The following CHFR variants were observed in gnomAD, a reference collection of about 807,000 sequenced individuals.
The protein encoded by CHFR is E3 ubiquitin-protein ligase CHFR.
Under a neutral mutation model 87.6 loss-of-function variants are expected in CHFR, and 57 were observed. That is an observed-to-expected ratio of 0.65 (90% CI 0.53 to 0.81). The LOEUF (loss-of-function observed/expected upper bound fraction) is 0.81. CHFR is among the 30% of genes least tolerant of loss of function. The pLI is 0.00. For synonymous variants in CHFR, 381 were observed against 359.2 expected (o/e 1.06, Z -0.69); for missense variants, 797 against 865.8 (o/e 0.92, Z 1.00).
rs1340527583 is a variant in CHFR at position 132,843,099 on chromosome 12, G to C, written c.1844-16C>G. ...GTTACGGCCACTGGAAAAAGAGAAG[G>C]GGTACGCATCTATGAGATGTATTGC... is the stretch of plus-strand genomic sequence containing the variant. On this transcript the variant is annotated splice_polypyrimidine_tract_variant and intron_variant, in intron 16 of 17. Coordinates refer to ENST00000450056, the MANE Select transcript of CHFR (RefSeq NM_001161346.2). The C allele has an allele frequency of 6.2e-7, 1 of 1,610,050 alleles. No homozygotes were observed. The highest frequency in any genetic ancestry group is 8.5e-7 in the Non-Finnish European group (1 of 1,178,106).
At chr12:132,887,150 T>C in intron 2 of CHFR, 46 bp downstream of exon 2, 1 of 1,420,364 alleles carries the variant, frequency 7.0e-7, no homozygotes. Context: ...CGCAACCCGG[T>C]GGCTCTGCCC....
intron 8 of CHFR, among the ~76,000 whole-genome samples, chr12:132,857,787 A>G (rs1951115759): frequency 6.6e-6 from 1 of 152,212 alleles, no homozygotes; most frequent in African/African-American, 2.4e-5. Context: ...CAGGAACACA[A>G]ACAACAGAGA....
At chr12:132,885,797 T>C (rs1048205915) in intron 2 of CHFR, among the ~76,000 whole-genome samples, 2 of 152,214 alleles carry the variant, frequency 1.3e-5, no homozygotes, top group African/African-American at 4.8e-5. Flanking sequence ...CCCAGAGTAA[T>C]GTGTTGACAG....
chr12:132,883,561 T>C (rs905892226), intron 2 of CHFR, among the ~76,000 whole-genome samples: 7 of 151,370 alleles, frequency 4.6e-5, no homozygotes, highest in Admixed American at 2.6e-4. Flanking sequence ...CTGTCTCTAC[T>C]AAAAATACAA....
In CHFR at chr12:132,836,808, A is replaced by G. The variant is rs1950651200; in HGVS notation, c.*4746T>C. 2.2e-6 allele frequency: 1 copy of G among 455,450 alleles called. No homozygotes were observed. The highest frequency in any genetic ancestry group is 4.4e-6 in the Non-Finnish European group (1 of 226,534). The allele number at this position is 455,450 out of a possible 1,614,324, so 28.2% of individuals were successfully genotyped here. ...AGCCCAGGGGACGGCTCATCAGCTC[A>G]TCAGACCTTCACCGTTCAGTAGCCA... is the stretch of plus-strand genomic sequence containing the variant. On this transcript the variant is annotated 3_prime_UTR_variant, in exon 18 of 18. Coordinates refer to ENST00000450056, the MANE Select transcript of CHFR (RefSeq NM_001161346.2).
intron 10 of CHFR, 39 bp downstream of exon 10, chr12:132,856,429 G>T: frequency 6.2e-7 from 1 of 1,609,282 alleles, no homozygotes; most frequent in South Asian, 1.1e-5. Flanking sequence ...ATGCTCCTCT[G>T]GCTCACACAC....
At chr12:132,887,463 G>T (rs1951928006) in intron 1 of CHFR, 84 bp downstream of exon 1, 1 of 661,942 alleles carries the variant, frequency 1.5e-6, no homozygotes, top group Non-Finnish European at 1.9e-6. Context: ...AGCCCGGCCT[G>T]GACGCCGGCG....
intron 8 of CHFR, among the ~76,000 whole-genome samples, chr12:132,858,725 T>TAAAAAA (rs60137048): frequency 3.7e-4 from 10 of 26,800 alleles, no homozygotes; most frequent in African/African-American, 1.3e-3. Context: ...AGACTCCATC[T>TAAAAAA]AAAAAAAAAA....
chr12:132,848,319 AT>A, intron 13 of CHFR, 164 bp from the exon 14 acceptor site: 2 of 1,310,748 alleles, frequency 1.5e-6, no homozygotes, highest in Non-Finnish European at 2.1e-6. Context: ...AGCAGAAATG[AT>A]TTCCATTCCA....
At chr12:132,879,096 C>G (rs1367535471) in intron 2 of CHFR, among the ~76,000 whole-genome samples, 3 of 150,534 alleles carry the variant, frequency 2.0e-5, no homozygotes, top group Non-Finnish European at 4.4e-5. Flanking sequence ...CCTCCACCTC[C>G]CAGGTTCAAG....
chr12:132,872,458 T>C (rs1951513082), intron 3 of CHFR, 64 bp from the exon 4 acceptor site: 2 of 1,186,858 alleles, frequency 1.7e-6, no homozygotes, highest in Non-Finnish European at 2.5e-6. Context: ...AGATTTTTTT[T>C]CTAGCACCAT....
Position 132,835,714 on chromosome 12 carries a change from G to T in CHFR, c.*5840C>A. ...ATACTTTCTGTTGTTTAAGCCGCCT[G>T]TTCTGCGGCGTTTTGATCCAGCGGC... is the stretch of plus-strand genomic sequence containing the variant. On this transcript the variant is annotated 3_prime_UTR_variant, in exon 18 of 18. Transcript: ENST00000450056. The T allele has an allele frequency of 4.0e-6, 1 of 250,144 alleles. No individual in the cohort carries two copies. Among genetic ancestry groups the T allele is most frequent in the Non-Finnish European group, 8.0e-6 (1 of 125,540 alleles). The allele number at this position is 250,144 out of a possible 1,614,324, so 15.5% of individuals were successfully genotyped here.
intron 6 of CHFR, chr12:132,867,438 T>C (rs913438869): frequency 2.0e-5 from 3 of 152,208 alleles, no homozygotes; most frequent in Admixed American, 2.0e-4. Context: ...AACAGATCCA[T>C]GGAAAGCAAA....
intron 6 of CHFR, 137 bp from the exon 7 acceptor site, chr12:132,861,771 C>G: frequency 1.4e-6 from 1 of 730,744 alleles, no homozygotes; most frequent in East Asian, 2.7e-5. Context: ...AAGTGGCTTA[C>G]GAGGAGTGTG....
chr12:132,876,873 C>A (rs1339223311), intron 3 of CHFR, among the ~76,000 whole-genome samples: 1 of 152,228 alleles, frequency 6.6e-6, no homozygotes, highest in Non-Finnish European at 1.5e-5. Flanking sequence ...CAGCTCACCA[C>A]AATCTCCGAC....
chr12:132,858,493 C>T lies in CHFR; in HGVS notation c.911+575G>A, dbSNP rs560844559. Reference sequence around the variant, plus strand: ...TAATCCCAGCACTTTAGGAGGCAAACGTGGGCAGATCACCTGAAGTCAGGA... The same window carrying T: ...TAATCCCAGCACTTTAGGAGGCAAATGTGGGCAGATCACCTGAAGTCAGGA... On this transcript the variant is annotated intron_variant, in intron 8 of 17. Transcript: ENST00000450056. Among the ~76,000 whole-genome samples, 12 of 151,734 alleles carry T rather than the reference C, an allele frequency of 7.9e-5. No homozygotes were observed. In the Middle Eastern group the frequency reaches 0.014, roughly 172 times the overall value.
At position 132,848,711 on chromosome 12, in the gene CHFR, C is replaced by T. The variant is rs1335016856; in HGVS notation, c.1506G>A (p.Leu502=). 6.3e-7 allele frequency: 1 copy of T among 1,586,212 alleles called. No homozygotes were observed. The highest frequency in any genetic ancestry group is 1.8e-5 in the Admixed American group (1 of 56,062). ...CCCAGTACAGGTGGCAGAAAGGCTG[C>T]AGGCAGACCGCACCTGTGGAGAGAG... ...RVAPQQCAVC[L]QPFCHLYWGC... The change falls in exon 13 of 18, where the codon CTG becomes CTA. Residue 502 remains leucine, a synonymous_variant. Coordinates refer to ENST00000450056, the MANE Select transcript of CHFR (RefSeq NM_001161346.2).
At chr12:132,884,291 T>C (rs1951835967) in intron 2 of CHFR, among the ~76,000 whole-genome samples, 1 of 151,768 alleles carries the variant, frequency 6.6e-6, no homozygotes, top group Admixed American at 6.6e-5. Flanking sequence ...TGGTAGCACA[T>C]ACTTGTAATC....
rs1203482269 is a variant in CHFR at position 132,836,510 on chromosome 12, G to GCACGGCA, written c.*5037_*5043dup. On this transcript the variant is annotated 3_prime_UTR_variant, in exon 18 of 18. Transcript: ENST00000450056. ...CACAGTGACAGGCTCCCAGCACGGC[G>GCACGGCA]CACGGCACTCACAGTGACAGGCTCC... 1 of 356,144 alleles carries GCACGGCA rather than the reference G, an allele frequency of 2.8e-6. No individual in the cohort carries two copies. Among genetic ancestry groups the GCACGGCA allele is most frequent in the Non-Finnish European group, 5.3e-6 (1 of 190,098 alleles). 22.1% of individuals were successfully genotyped at this position (356,144 alleles called of 1,614,324 possible). A position where few individuals can be genotyped will look rare whatever the true frequency, so the allele number is the denominator to read the frequency against.
Sources: gnomAD v4.1 joint callset for allele counts (sites outside exome capture counted in the v4.1 genomes callset) on GRCh38, gnomAD v4.1.1 for gene constraint, MANE v1.5 for transcripts, NCBI Gene and HGNC (gene_info 2026-07-23, HGNC 2026-07-21) for gene names.